Variants in ATP6V0E1 observed in about 807,000 individuals in gnomAD.
ATP6V0E1 encodes ATPase H+ transporting V0 subunit e1.
ATP6V0E1 carries 4 observed loss-of-function variants against 11.6 expected under a neutral mutation model. The ratio of observed to expected loss-of-function variants is 0.35; its 90% confidence interval spans 0.17 to 0.79. ATP6V0E1 has a LOEUF of 0.79. ATP6V0E1 is among the 30% of genes least tolerant of loss of function. ATP6V0E1 has a pLI of 0.54. For synonymous variants in ATP6V0E1, 36 were observed against 34.8 expected, an observed-to-expected ratio of 1.04 and a Z score of -0.13; for missense variants, 105 against 100.0, an observed-to-expected ratio of 1.05 and a Z score of -0.21.
rs78431316 is a variant in ATP6V0E1, at chr5:173,011,957, G to T, written c.153-8281G>T. Among the ~76,000 whole-genome samples, 1,310 of 152,122 alleles carry T rather than the reference G, an allele frequency of 8.6e-3. 19 individuals are homozygous for T. Among genetic ancestry groups the T allele is most frequent in the African/African-American group, 0.03 (1,234 of 41,476 alleles). ...TTTAAGTCAGGAGGTAGTCAGAGGGGCAGGCACAAAGCTCAGCGGGTTAGG... is the reference window on the plus strand; with the variant it reads ...TTTAAGTCAGGAGGTAGTCAGAGGGTCAGGCACAAAGCTCAGCGGGTTAGG... On this transcript the variant is annotated intron_variant, in intron 2 of 3. Transcript: ENST00000519374.
At chr5:173,009,035 G>A (rs1379339443) in intron 2 of ATP6V0E1, among the ~76,000 whole-genome samples, 1 of 151,638 alleles carries the variant, frequency 6.6e-6, no homozygotes, top group Non-Finnish European at 1.5e-5. Flanking sequence ...AGACCAGCCT[G>A]GGCAACATGG....
chr5:173,001,621 C>T (rs1269818346), intron 2 of ATP6V0E1, among the ~76,000 whole-genome samples: 1 of 152,160 alleles, frequency 6.6e-6, no homozygotes, highest in African/African-American at 2.4e-5. Context: ...CGTGGTGGCT[C>T]ACGCCTGTAA....
intron 2 of ATP6V0E1, among the ~76,000 whole-genome samples, chr5:173,018,951 G>T (rs1157633707): frequency 6.6e-6 from 1 of 151,950 alleles, no homozygotes; most frequent in Non-Finnish European, 1.5e-5. Flanking sequence ...ATAAATCTAT[G>T]CTATTTTTCT....
At position 172,983,973 on chromosome 5, in the gene ATP6V0E1, G is replaced by C. The variant is rs1156743825; in HGVS notation, c.104+9G>C. ...AAGGGTCCTAACCGGGGGTAAGTGC[G>C]TGAGGCCCGCCTTGGGAGGAACGGG... On this transcript the variant is annotated intron_variant, in intron 1 of 3. Transcript: ENST00000519374. The C allele has an allele frequency of 6.2e-7, 1 of 1,611,528 alleles. No homozygotes were observed. The highest frequency in any genetic ancestry group is 8.5e-7 in the Non-Finnish European group (1 of 1,179,070).
At chr5:172,998,190 CTTTTTTTTTTT>C (rs999790390) in intron 2 of ATP6V0E1, among the ~76,000 whole-genome samples, 1 of 104,892 alleles carries the variant, frequency 9.5e-6, no homozygotes, top group South Asian at 3.2e-4. Flanking sequence ...AAAATTTAGT[CTTTTTTTTTTT>C]TTTTTTTTTT....
intron 1 of ATP6V0E1, among the ~76,000 whole-genome samples, chr5:172,990,487 T>A (rs1158192319): frequency 6.6e-6 from 1 of 152,034 alleles, no homozygotes; most frequent in East Asian, 1.9e-4. Context: ...TTTTTTGTGG[T>A]TTGTTTTAAT....
At chr5:172,989,122 C>T (rs1293352164) in intron 1 of ATP6V0E1, among the ~76,000 whole-genome samples, 1 of 152,094 alleles carries the variant, frequency 6.6e-6, no homozygotes, top group Non-Finnish European at 1.5e-5. Context: ...TCACTTGAAG[C>T]CAGAAAATAG....
chr5:172,998,424 T>G (rs1756100534), intron 2 of ATP6V0E1, among the ~76,000 whole-genome samples: 1 of 151,916 alleles, frequency 6.6e-6, no homozygotes, highest in African/African-American at 2.4e-5. Flanking sequence ...CTAGCCAACA[T>G]GGTGAAACCC....
At chr5:173,032,216 C>T (rs1171879032) in intron 3 of ATP6V0E1, among the ~76,000 whole-genome samples, 1 of 144,310 alleles carries the variant, frequency 6.9e-6, no homozygotes, top group African/African-American at 2.6e-5. Context: ...ATGCCTTTGC[C>T]ATGTAACATA....
chr5:173,013,139 G>T (rs192525304), intron 2 of ATP6V0E1, among the ~76,000 whole-genome samples: 1 of 151,938 alleles, frequency 6.6e-6, no homozygotes, highest in East Asian at 1.9e-4. Context: ...CTGTGATTGC[G>T]CCACTCCAGT....
At chr5:173,001,860 A>G (rs942131679) in intron 2 of ATP6V0E1, among the ~76,000 whole-genome samples, 2 of 152,008 alleles carry the variant, frequency 1.3e-5, no homozygotes, top group Admixed American at 1.3e-4. Flanking sequence ...CTGGGATTAC[A>G]GGCATGTGCC....
intron 3 of ATP6V0E1, among the ~76,000 whole-genome samples, chr5:173,032,161 T>TA (rs1408193976): frequency 2.0e-5 from 3 of 151,920 alleles, no homozygotes; most frequent in African/African-American, 7.2e-5. Flanking sequence ...GTCTCAAGAA[T>TA]AAATAAATAA....
In ATP6V0E1 at chr5:173,035,375, A is replaced by G. The variant is rs1210780911; in HGVS notation, c.*1013A>G. The G allele has an allele frequency of 6.6e-6, 1 of 152,210 alleles. No individual in the cohort carries two copies. The highest frequency in any genetic ancestry group is 2.4e-5 in the African/African-American group (1 of 41,450). 9.4% of individuals were successfully genotyped at this position (152,210 alleles called of 1,614,324 possible). A position where few individuals can be genotyped will look rare whatever the true frequency, so the allele number is the denominator to read the frequency against. On this transcript the variant is annotated 3_prime_UTR_variant, in exon 4 of 4. Transcript: ENST00000519374. ...GTAATTTTGTATTTCAGTAGCAGGC[A>G]TCTCGATACACTAATTTGAGAGCTT...
chr5:172,999,817 C>CAT (rs1169020167), intron 2 of ATP6V0E1, among the ~76,000 whole-genome samples: 1 of 152,062 alleles, frequency 6.6e-6, no homozygotes, highest in Non-Finnish European at 1.5e-5. Flanking sequence ...TTCTGGAGGC[C>CAT]ATTTTATGGG....
chr5:172,988,170 G>A (rs1370565404), intron 1 of ATP6V0E1, among the ~76,000 whole-genome samples: 4 of 152,148 alleles, frequency 2.6e-5, no homozygotes, highest in African/African-American at 9.7e-5. Context: ...TGATAGGAAT[G>A]TTTCAGCTCC....
At chr5:172,985,673 C>G (rs1368944926) in intron 1 of ATP6V0E1, among the ~76,000 whole-genome samples, 1 of 152,144 alleles carries the variant, frequency 6.6e-6, no homozygotes, top group Non-Finnish European at 1.5e-5. Flanking sequence ...CTGACAATTC[C>G]TTTCTTAAAG....
chr5:173,034,715 T>A lies in ATP6V0E1; in HGVS notation c.*353T>A, dbSNP rs1756713576. ...TGGCTCCTGCCTTCTCACGTGGGAA[T>A]CAGTGAAGTGTTTAGAAACTGCTGC... is the stretch of plus-strand genomic sequence containing the variant. On this transcript the variant is annotated 3_prime_UTR_variant, in exon 4 of 4. Coordinates refer to ENST00000519374, the MANE Select transcript of ATP6V0E1 (RefSeq NM_003945.4). 2 of 440,452 alleles carry A rather than the reference T, an allele frequency of 4.5e-6. No homozygotes were observed. The highest frequency in any genetic ancestry group is 8.3e-6 in the Non-Finnish European group (2 of 240,152). The allele number at this position is 440,452 out of a possible 1,614,324, so 27.3% of individuals were successfully genotyped here. A position where few individuals can be genotyped will look rare whatever the true frequency, so the allele number is the denominator to read the frequency against.
chr5:173,023,102 C>T (rs1447621507), intron 3 of ATP6V0E1, among the ~76,000 whole-genome samples: 2 of 152,152 alleles, frequency 1.3e-5, no homozygotes, highest in African/African-American at 2.4e-5. Context: ...AGTGATCCTC[C>T]CACTTTGGCC....
At chr5:173,005,817 T>G (rs1002800661) in intron 2 of ATP6V0E1, among the ~76,000 whole-genome samples, 4 of 152,248 alleles carry the variant, frequency 2.6e-5, no homozygotes, top group African/African-American at 9.6e-5. Context: ...TTACTCCATT[T>G]GAAATATTTT....
Sources: allele counts gnomAD v4.1 joint callset (sites outside exome capture counted in the v4.1 genomes callset), GRCh38; gene constraint gnomAD v4.1.1; transcripts MANE v1.5; gene names NCBI Gene and HGNC (gene_info 2026-07-23, HGNC 2026-07-21).